The following LRRC63 variants were observed in gnomAD, a reference collection of about 807,000 sequenced individuals.
The protein encoded by LRRC63 is leucine rich repeat containing 63, also known as leucine-rich repeat-containing protein 63.
Under a neutral mutation model 49.5 loss-of-function variants are expected in LRRC63, and 40 were observed. The ratio of observed to expected loss-of-function variants is 0.81; its 90% confidence interval spans 0.63 to 1.05. The LOEUF (loss-of-function observed/expected upper bound fraction) is 1.05, where lower values mean the gene tolerates loss of function less well. Among genes scored for constraint, LRRC63 ranks in the 50% least tolerant of loss-of-function variants. The pLI is 0.00. For missense variants in LRRC63, 636 were observed against 663.1 expected, an observed-to-expected ratio of 0.96 and a Z score of 0.45; for synonymous variants, 191 against 221.1, an observed-to-expected ratio of 0.86 and a Z score of 1.21.
intron 2 of LRRC63, among the ~76,000 whole-genome samples, chr13:46,219,007 C>T (rs570150842): frequency 5.9e-5 from 9 of 152,198 alleles, no homozygotes; most frequent in East Asian, 1.9e-4. Context: ...GAGGGTAACC[C>T]GACCTTTCTC....
chr13:46,225,117 A>G (rs972248922), intron 2 of LRRC63, among the ~76,000 whole-genome samples: 2 of 152,204 alleles, frequency 1.3e-5, no homozygotes, highest in African/African-American at 4.8e-5. Flanking sequence ...GCTATGGGTC[A>G]TGGCAGTAGA....
chr13:46,226,853 A>G (rs1276216834), intron 2 of LRRC63, among the ~76,000 whole-genome samples: 2 of 152,234 alleles, frequency 1.3e-5, no homozygotes, highest in Non-Finnish European at 2.9e-5. Context: ...ACAGATCCTC[A>G]TCATTTATTG....
At chr13:46,230,277 C>G (rs77588044) in intron 4 of LRRC63, among the ~76,000 whole-genome samples, 1 of 152,124 alleles carries the variant, frequency 6.6e-6, no homozygotes, top group South Asian at 2.1e-4. Context: ...CAAAGTCTCA[C>G]GTGAGACAAG....
At chr13:46,248,726 G>T (rs1445424669) in intron 6 of LRRC63, among the ~76,000 whole-genome samples, 1 of 151,758 alleles carries the variant, frequency 6.6e-6, no homozygotes, top group Non-Finnish European at 1.5e-5. Context: ...GAAAAATTAG[G>T]CAGAAGAACA....
chr13:46,237,153 A>G (rs1257512955), intron 5 of LRRC63, among the ~76,000 whole-genome samples: 1 of 152,180 alleles, frequency 6.6e-6, no homozygotes, highest in Non-Finnish European at 1.5e-5. Flanking sequence ...ACCAACAATG[A>G]CAAAACATTC....
chr13:46,227,957 G>A (rs1294428071), exon 3 of LRRC63: 8 of 1,550,756 alleles, frequency 5.2e-6, no homozygotes, highest in Non-Finnish European at 7.0e-6. Flanking sequence ...TGCACCCTAA[G>A]CATCAACCTT....
intron 4 of LRRC63, among the ~76,000 whole-genome samples, chr13:46,229,574 G>A (rs1471596881): frequency 6.6e-6 from 1 of 152,138 alleles, no homozygotes; most frequent in Non-Finnish European, 1.5e-5. Context: ...ATATACTTGG[G>A]ACTTGAGGGA....
rs1334244366 is a variant in LRRC63 at position 46,270,683 on chromosome 13, C to T, written c.1550+3711C>T. ...TGTTACCTGGCCTAAACCATCAGTG[C>T]ACGAAAGGAGAAGAACCAGTATCTG... On this transcript the variant is annotated intron_variant, in intron 9 of 9. Transcript: ENST00000595396. 3 of 709,492 alleles carry T rather than the reference C, an allele frequency of 4.2e-6. No homozygotes were observed. The African/African-American group carries it at 5.3e-5, about 12-fold the overall frequency. The allele number at this position is 709,492 out of a possible 1,614,324, so 43.9% of individuals were successfully genotyped here. A position where few individuals can be genotyped will look rare whatever the true frequency, so the allele number is the denominator to read the frequency against.
At chr13:46,243,829 A>G (rs891668677) in intron 5 of LRRC63, among the ~76,000 whole-genome samples, 6 of 152,228 alleles carry the variant, frequency 3.9e-5, no homozygotes, top group Non-Finnish European at 7.3e-5. Context: ...TTTCTGCCTT[A>G]AGACTGTGTT....
rs186292175 is a variant in LRRC63, at chr13:46,253,174, G to A, written c.1226+2683G>A. Reference sequence around the variant, plus strand: ...ATTGAAGTAAAACCTGCAAGATCTAGAACTGAGACATAGAGGCTATAAGGA... The same window carrying A: ...ATTGAAGTAAAACCTGCAAGATCTAAAACTGAGACATAGAGGCTATAAGGA... On this transcript the variant is annotated intron_variant, in intron 7 of 9. Transcript: ENST00000595396. Among the ~76,000 whole-genome samples the A allele has an allele frequency of 1.4e-4, 21 of 151,466 alleles. 1 individual carries two copies. The East Asian group carries it at 4.1e-3, about 29-fold the overall frequency.
intron 5 of LRRC63, 59 bp downstream of exon 5, chr13:46,234,408 A>C: frequency 6.7e-7 from 1 of 1,482,676 alleles, no homozygotes; most frequent in Non-Finnish European, 9.1e-7. Context: ...TTTTGCTTTA[A>C]ATTTCCCAAT....
At chr13:46,252,687 G>T (rs1361133335) in intron 7 of LRRC63, among the ~76,000 whole-genome samples, 2 of 152,066 alleles carry the variant, frequency 1.3e-5, no homozygotes, top group Non-Finnish European at 2.9e-5. Context: ...TGTGAATTAG[G>T]TGGATTAAAC....
chr13:46,220,079 G>T (rs1010680069), intron 2 of LRRC63, among the ~76,000 whole-genome samples: 9 of 152,174 alleles, frequency 5.9e-5, no homozygotes, highest in African/African-American at 2.2e-4. Context: ...GAGGCACGGG[G>T]GTCAGGGACC....
intron 5 of LRRC63, among the ~76,000 whole-genome samples, chr13:46,239,302 G>T (rs1203946811): frequency 6.6e-6 from 1 of 151,896 alleles, no homozygotes; most frequent in East Asian, 1.9e-4. Flanking sequence ...TGACAAAGGG[G>T]AAGTTACTCC....
intron 9 of LRRC63, among the ~76,000 whole-genome samples, chr13:46,271,721 T>TAAA (rs56215272): frequency 0.037 from 4,828 of 131,924 alleles, 124 homozygotes; most frequent in Admixed American, 0.07. Flanking sequence ...TCATTTAAAC[T>TAAA]AAAAAAAAAA....
chr13:46,240,370 G>C (rs761559335), intron 5 of LRRC63, among the ~76,000 whole-genome samples: 5 of 151,692 alleles, frequency 3.3e-5, no homozygotes, highest in African/African-American at 1.2e-4. Context: ...CTCATGATCC[G>C]CCCACCTCGG....
At chr13:46,275,124 C>T (rs928482213) in intron 9 of LRRC63, among the ~76,000 whole-genome samples, 1 of 152,176 alleles carries the variant, frequency 6.6e-6, no homozygotes, top group African/African-American at 2.4e-5. Flanking sequence ...CCTCTAGGAT[C>T]ATCCCTGTTG....
At chr13:46,221,373 T>C (rs538786936) in intron 2 of LRRC63, among the ~76,000 whole-genome samples, 2 of 152,300 alleles carry the variant, frequency 1.3e-5, no homozygotes, top group African/African-American at 2.4e-5. Context: ...AGGCTTCATA[T>C]TGGAAAGTTA....
chr13:46,225,147 G>GGTCCTGCATGCTGTGGGCT (rs2046532727), intron 2 of LRRC63, among the ~76,000 whole-genome samples: 1 of 152,184 alleles, frequency 6.6e-6, no homozygotes, highest in Non-Finnish European at 1.5e-5. Flanking sequence ...TGACCCTCTG[G>GGTCCTGCATGCTGTGGGCT]GTCCTGCATG....
Sources: allele counts gnomAD v4.1 joint callset (sites outside exome capture counted in the v4.1 genomes callset), GRCh38; gene constraint gnomAD v4.1.1; transcripts MANE v1.5; gene names NCBI Gene and HGNC (gene_info 2026-07-23, HGNC 2026-07-21).